IQCM: variants seen among roughly 807,000 people sequenced by gnomAD.
IQCM encodes IQ motif containing M, also known as IQ domain-containing protein M.
IQCM carries 45 observed loss-of-function variants against 57.6 expected under a neutral mutation model. The observed-to-expected ratio is 0.78, with a 90% CI of 0.62 to 1.00. IQCM has a LOEUF of 1.00. Ranked by LOEUF, IQCM falls within the 50% of genes least tolerant of loss-of-function variation. The pLI is 0.00. For synonymous variants in IQCM, 148 were observed against 158.9 expected (o/e 0.93, Z 0.51); for missense variants, 468 against 511.6 (o/e 0.91, Z 0.82).
At chr4:149,375,374 A>G (rs2111003180) in intron 13 of IQCM, among the ~76,000 whole-genome samples, 1 of 152,248 alleles carries the variant, frequency 6.6e-6, no homozygotes, top group African/African-American at 2.4e-5. Flanking sequence ...AAGCAGAGAG[A>G]TCAAGAACTA....
chr4:149,638,974 T>C (rs1757955535), intron 7 of IQCM, among the ~76,000 whole-genome samples: 1 of 151,472 alleles, frequency 6.6e-6, no homozygotes, highest in African/African-American at 2.4e-5. Flanking sequence ...AAAACTAAAC[T>C]CAGATCAGCA....
intron 13 of IQCM, among the ~76,000 whole-genome samples, chr4:149,416,533 C>T (rs943806578): frequency 6.6e-6 from 1 of 152,020 alleles, no homozygotes; most frequent in African/African-American, 2.4e-5. Flanking sequence ...CTGGGCCCCA[C>T]CCCAGACCTT....
intron 12 of IQCM, among the ~76,000 whole-genome samples, chr4:149,466,208 G>T (rs1738844945): frequency 6.6e-6 from 1 of 152,164 alleles, no homozygotes; most frequent in Non-Finnish European, 1.5e-5. Flanking sequence ...TCTTTGTCCA[G>T]CCTCTTCCAA....
rs527811049 is a variant in IQCM at position 149,607,509 on chromosome 4, G to A, written c.681+13620C>T. Among the ~76,000 whole-genome samples the A allele has an allele frequency of 1.6e-4, 24 of 152,034 alleles. 1 individual carries two copies. Among genetic ancestry groups the A allele is most frequent in the Middle Eastern group, 6.8e-3 (2 of 294 alleles). ...CAGAATACTCTAACAATGTAATTGCGATGTGTAAACCATTCATATTTTTAG... is the reference window on the plus strand; with the variant it reads ...CAGAATACTCTAACAATGTAATTGCAATGTGTAAACCATTCATATTTTTAG... On this transcript the variant is annotated intron_variant, in intron 8 of 13. Transcript: ENST00000636793.
chr4:149,392,682 G>A (rs1731950314), intron 13 of IQCM, among the ~76,000 whole-genome samples: 1 of 151,854 alleles, frequency 6.6e-6, no homozygotes. Flanking sequence ...CCAGAAGCCT[G>A]GAAAGAAGCC....
rs895555330 is a variant in IQCM, at chr4:149,631,913, G to A, written c.566-10669C>T. The stretch of plus-strand genomic sequence containing the variant: ...CTGTGAGTCTGAGGCAAATGCATAC[G>A]AGTTGGATATAAGTGATTAAGCACA... On this transcript the variant is annotated intron_variant, in intron 7 of 13. Coordinates refer to ENST00000636793, the MANE Select transcript of IQCM (RefSeq NM_001363507.2). Among the ~76,000 whole-genome samples the A allele has an allele frequency of 3.9e-5, 6 of 152,334 alleles. No homozygotes were observed. The East Asian group carries it at 5.8e-4, about 15-fold the overall frequency.
rs1341102338 is a variant in IQCM, at chr4:149,593,648, T to G, written c.682-5651A>C. On this transcript the variant is annotated intron_variant, in intron 8 of 13. Coordinates refer to ENST00000636793, the MANE Select transcript of IQCM (RefSeq NM_001363507.2). ...TATGTCCCATCAATACCTAGTTTAT[T>G]GAGAGTTTTTAGCATGAAGCGTTGT... Among the ~76,000 whole-genome samples, 5 of 152,256 alleles carry G rather than the reference T, an allele frequency of 3.3e-5. No individual in the cohort carries two copies. The East Asian group carries it at 5.8e-4, about 18-fold the overall frequency.
At chr4:149,467,408 C>T (rs1046953073) in intron 12 of IQCM, among the ~76,000 whole-genome samples, 26 of 152,250 alleles carry the variant, frequency 1.7e-4, no homozygotes, top group Non-Finnish European at 2.6e-4. Context: ...GTCCCGGGCA[C>T]TGTTCTAGGT....
At chr4:149,536,764 A>C (rs773480918) in intron 12 of IQCM, among the ~76,000 whole-genome samples, 39 of 152,078 alleles carry the variant, frequency 2.6e-4, no homozygotes, top group Non-Finnish European at 5.0e-4. Context: ...GCTTCAACCA[A>C]GGAAGGTATC....
chr4:149,759,684 A>T (rs1769316757), intron 2 of IQCM, among the ~76,000 whole-genome samples: 1 of 152,184 alleles, frequency 6.6e-6, no homozygotes, highest in African/African-American at 2.4e-5. Flanking sequence ...AGAATAGATC[A>T]CAAGGGAAAT....
chr4:149,675,505 G>A (rs1423075967), intron 7 of IQCM, among the ~76,000 whole-genome samples: 1 of 151,978 alleles, frequency 6.6e-6, no homozygotes, highest in African/African-American at 2.4e-5. Context: ...ATTCAGATGA[G>A]GTTAAGGATT....
intron 10 of IQCM, among the ~76,000 whole-genome samples, chr4:149,554,720 G>C (rs1220262520): frequency 6.8e-6 from 1 of 146,926 alleles, no homozygotes; most frequent in Non-Finnish European, 1.5e-5. Context: ...TTTTTTTTGA[G>C]ACAGAGTGTC....
intron 2 of IQCM, among the ~76,000 whole-genome samples, chr4:149,759,431 A>G (rs550988670): frequency 6.6e-6 from 1 of 152,278 alleles, no homozygotes; most frequent in African/African-American, 2.4e-5. Flanking sequence ...GTGTCAATAT[A>G]GGGTCATCAA....
At chr4:149,700,360 T>C (rs1240509188) in intron 5 of IQCM, among the ~76,000 whole-genome samples, 1 of 151,972 alleles carries the variant, frequency 6.6e-6, no homozygotes, top group African/African-American at 2.4e-5. Context: ...CACTCTCTTC[T>C]CTGGGCAGCT....
At chr4:149,751,088 G>T (rs1768394031) in intron 2 of IQCM, among the ~76,000 whole-genome samples, 2 of 152,104 alleles carry the variant, frequency 1.3e-5, no homozygotes. Flanking sequence ...CTTTAAAATT[G>T]AAAACAATCT....
intron 9 of IQCM, among the ~76,000 whole-genome samples, chr4:149,568,806 C>T (rs1750882409): frequency 6.6e-6 from 1 of 152,074 alleles, no homozygotes; most frequent in African/African-American, 2.4e-5. Context: ...TATATTTTTA[C>T]ATTAACATAA....
intron 7 of IQCM, among the ~76,000 whole-genome samples, chr4:149,675,696 A>C (rs1321751905): frequency 6.6e-6 from 1 of 152,036 alleles, no homozygotes; most frequent in Non-Finnish European, 1.5e-5. Context: ...CAGCTTAAAT[A>C]CATAATGAGA....
At chr4:149,403,510 C>T (rs999994063) in intron 13 of IQCM, among the ~76,000 whole-genome samples, 11 of 151,806 alleles carry the variant, frequency 7.2e-5, no homozygotes, top group African/African-American at 2.7e-4. Flanking sequence ...TTGCTATGGG[C>T]CTGAACTGGC....
At chr4:149,358,783 G>GA (rs1380847780) in intron 13 of IQCM, among the ~76,000 whole-genome samples, 1 of 120,822 alleles carries the variant, frequency 8.3e-6, no homozygotes, top group Non-Finnish European at 1.9e-5. Context: ...GTAGGCTGGG[G>GA]ACAGAGAATA....
Sources: allele counts gnomAD v4.1 joint callset (sites outside exome capture counted in the v4.1 genomes callset), GRCh38; gene constraint gnomAD v4.1.1; transcripts MANE v1.5; gene names NCBI Gene and HGNC (gene_info 2026-07-23, HGNC 2026-07-21).